USO1: variants seen among roughly 807,000 people sequenced by gnomAD.
The protein encoded by USO1 is general vesicular transport factor p115.
In USO1, 57 loss-of-function variants were observed where a neutral mutation model predicts 124.5. The ratio of observed to expected loss-of-function variants is 0.46; its 90% confidence interval spans 0.37 to 0.57. The LOEUF is 0.57. Among genes scored for constraint, USO1 ranks in the 20% least tolerant of loss-of-function variants. The pLI, the probability that USO1 is intolerant of heterozygous loss-of-function variation, is 0.00. For synonymous variants in USO1, 369 were observed against 362.8 expected, an observed-to-expected ratio of 1.02 and a Z score of -0.19; for missense variants, 900 against 1,040.6, an observed-to-expected ratio of 0.86 and a Z score of 1.86.
chr4:75,727,790 A>T (rs1244053324), intron 1 of USO1, among the ~76,000 whole-genome samples: 1 of 152,020 alleles, frequency 6.6e-6, no homozygotes, highest in Admixed American at 6.6e-5. Context: ...TTTCCAATGG[A>T]AGGGCTCTTT....
Position 75,805,287 on chromosome 4 carries a change from CTA to C in USO1, c.2275_2276del (p.Met759AspfsTer2), listed in dbSNP as rs1322718448. ...CAAAGCCAGCTGACTGAAAAGGACTCTATGATTGAAAATATGGTAAAGTAAAT... is the reference window on the plus strand; with the variant it reads ...CAAAGCCAGCTGACTGAAAAGGACTCTGATTGAAAATATGGTAAAGTAAAT... On this transcript the variant is annotated frameshift_variant, in exon 19 of 24. Transcript: ENST00000514213. LOFTEE classifies it high-confidence loss of function. The C allele has an allele frequency of 1.2e-6, 2 of 1,601,370 alleles. No homozygotes were observed. Among genetic ancestry groups the C allele is most frequent in the African/African-American group, 1.4e-5 (1 of 73,922 alleles).
At chr4:75,731,214 A>G (rs1720621589) in intron 1 of USO1, among the ~76,000 whole-genome samples, 1 of 152,168 alleles carries the variant, frequency 6.6e-6, no homozygotes, top group Admixed American at 6.6e-5. Flanking sequence ...TATGAAGATA[A>G]GATTTGCTTT....
intron 9 of USO1, among the ~76,000 whole-genome samples, chr4:75,784,966 C>T (rs185000638): frequency 1.3e-5 from 2 of 152,084 alleles, no homozygotes; most frequent in African/African-American, 4.8e-5. Flanking sequence ...TCGTGAAGAC[C>T]GTAAACTCCA....
At chr4:75,759,264 T>TTTTTTTTTTTTTTTTTTTC (rs1553898967) in intron 4 of USO1, among the ~76,000 whole-genome samples, 1 of 145,428 alleles carries the variant, frequency 6.9e-6, no homozygotes, top group African/African-American at 2.6e-5. Flanking sequence ...TTTTTTTTTT[T>TTTTTTTTTTTTTTTTTTTC]CTGAAAATTT....
chr4:75,780,210 A>C (rs902974534), intron 8 of USO1, among the ~76,000 whole-genome samples: 2 of 152,160 alleles, frequency 1.3e-5, no homozygotes, highest in Non-Finnish European at 1.5e-5. Context: ...ATTACTTCTC[A>C]TTGACAATGC....
chr4:75,774,813 T>G lies in USO1; in HGVS notation c.676+17T>G. ...GTGATGGAGGTATAGTATGAAGAAA[T>G]TATTTGAAGACATTCCTTTTGTACT... On this transcript the variant is annotated intron_variant, in intron 8 of 23. Coordinates refer to ENST00000514213, the MANE Select transcript of USO1 (RefSeq NM_003715.4). The G allele has an allele frequency of 6.2e-7, 1 of 1,610,186 alleles. No homozygotes were observed.
chr4:75,792,550 AGCCAG>A (rs1722562069), intron 12 of USO1, among the ~76,000 whole-genome samples: 1 of 151,972 alleles, frequency 6.6e-6, no homozygotes, highest in Non-Finnish European at 1.5e-5. Context: ...AAAAAATACT[AGCCAG>A]GCATGGTGGC....
At position 75,745,985 on chromosome 4, in the gene USO1, A is replaced by C. The variant is rs144665430; in HGVS notation, c.67-6388A>C. Among the ~76,000 whole-genome samples the C allele has an allele frequency of 4.3e-4, 66 of 152,326 alleles. 2 individuals are homozygous for C. In the East Asian group the frequency reaches 0.012, roughly 28 times the overall value. On this transcript the variant is annotated intron_variant, in intron 1 of 23. Transcript: ENST00000514213. ...GCTGTAACACAGGCCAGGAAACAGAAGTCTAACCAAGATAAAAATTTATGT... is the reference window on the plus strand; with the variant it reads ...GCTGTAACACAGGCCAGGAAACAGACGTCTAACCAAGATAAAAATTTATGT...
Position 75,800,337 on chromosome 4 carries a change from A to G in USO1, c.1564-14A>G. On this transcript the variant is annotated splice_polypyrimidine_tract_variant and intron_variant, in intron 14 of 23. Coordinates refer to ENST00000514213, the MANE Select transcript of USO1 (RefSeq NM_003715.4). ...GATATTTTCAATCCTTAGCCTCCTT[A>G]ACAAAGATTTCAGCTTACAGGACAA... 6.4e-7 allele frequency: 1 copy of G among 1,568,136 alleles called. No homozygotes were observed. Among genetic ancestry groups the G allele is most frequent in the Non-Finnish European group, 8.6e-7 (1 of 1,156,280 alleles).
chr4:75,734,718 C>CTTT (rs55928639), intron 1 of USO1, among the ~76,000 whole-genome samples: 15,867 of 47,090 alleles, frequency 0.34, 6,212 homozygotes, highest in East Asian at 0.59. Context: ...GGCAGTATGG[C>CTTT]TTTTTTTTTT....
At chr4:75,788,642 G>C (rs1392214030) in intron 10 of USO1, among the ~76,000 whole-genome samples, 1 of 149,200 alleles carries the variant, frequency 6.7e-6, no homozygotes, top group Non-Finnish European at 1.5e-5. Flanking sequence ...TCCTGGGTTT[G>C]AGCAATTCTT....
intron 8 of USO1, among the ~76,000 whole-genome samples, chr4:75,778,155 C>T (rs920447058): frequency 6.6e-6 from 1 of 152,018 alleles, no homozygotes; most frequent in Non-Finnish European, 1.5e-5. Context: ...ACACCAATGC[C>T]CCAGTTGAAA....
At position 75,790,811 on chromosome 4, in the gene USO1, T is replaced by C. The variant is rs1470421690; in HGVS notation, c.1240+14T>C. 6.5e-7 allele frequency: 1 copy of C among 1,546,236 alleles called. No homozygotes were observed. Among genetic ancestry groups the C allele is most frequent in the Non-Finnish European group, 8.7e-7 (1 of 1,150,066 alleles). On this transcript the variant is annotated intron_variant, in intron 12 of 23. Transcript: ENST00000514213. ...CTACCATTGATGGTAAATAATTTAG[T>C]TCTAATTTTTATTTGAAAAAGTAAA...
At chr4:75,785,965 C>A (rs1220265189) in intron 9 of USO1, among the ~76,000 whole-genome samples, 2 of 152,118 alleles carry the variant, frequency 1.3e-5, no homozygotes. Context: ...CTGACCTTCT[C>A]TTTAGTGACA....
At chr4:75,747,086 G>A (rs1721146237) in intron 1 of USO1, among the ~76,000 whole-genome samples, 1 of 151,964 alleles carries the variant, frequency 6.6e-6, no homozygotes, top group Admixed American at 6.6e-5. Flanking sequence ...ATCATATAGG[G>A]GAGGATTTAG....
At chr4:75,757,468 G>A (rs773137522) in intron 3 of USO1, 29 bp from the exon 4 acceptor site, 3 of 1,459,286 alleles carry the variant, frequency 2.1e-6, no homozygotes, top group Non-Finnish European at 2.7e-6. Flanking sequence ...CATCAGCAGT[G>A]TATAAGTGTA....
At chr4:75,743,483 C>G (rs979144757) in intron 1 of USO1, among the ~76,000 whole-genome samples, 3 of 152,150 alleles carry the variant, frequency 2.0e-5, no homozygotes, top group African/African-American at 7.2e-5. Context: ...TTCACTCAGT[C>G]ACGGTCTCAC....
intron 13 of USO1, 50 bp downstream of exon 13, chr4:75,793,951 T>TA: frequency 2.5e-6 from 4 of 1,608,312 alleles, no homozygotes; most frequent in South Asian, 1.1e-5. Flanking sequence ...ATGTCAGTGA[T>TA]ACAGGATTTA....
chr4:75,746,414 A>G (rs767583506), intron 1 of USO1, among the ~76,000 whole-genome samples: 3 of 152,252 alleles, frequency 2.0e-5, no homozygotes, highest in Non-Finnish European at 2.9e-5. Context: ...ATGTGGCACA[A>G]TTATACTGCA....
Sources: allele counts gnomAD v4.1 joint callset (sites outside exome capture counted in the v4.1 genomes callset), GRCh38; gene constraint gnomAD v4.1.1; transcripts MANE v1.5; gene names NCBI Gene and HGNC (gene_info 2026-07-23, HGNC 2026-07-21).